Variants in TRIP12 observed in about 807,000 individuals in gnomAD.
TRIP12 encodes the protein E3 ubiquitin-protein ligase TRIP12.
Under a neutral mutation model 244.2 loss-of-function variants are expected in TRIP12, and 25 were observed. The observed-to-expected ratio is 0.10, with a 90% confidence interval of 0.07 to 0.14. TRIP12 has a LOEUF of 0.14. Among genes scored for constraint, TRIP12 ranks in the 10% least tolerant of loss-of-function variants. The pLI is 1.00. For synonymous variants in TRIP12, 905 were observed against 873.1 expected (o/e 1.04, Z -0.64); for missense variants, 1,677 against 2,486.4 (o/e 0.67, Z 6.92).
At chr2:229,830,913 C>G in intron 6 of TRIP12, 74 bp from the exon 7 acceptor site, 1 of 1,441,320 alleles carries the variant, frequency 6.9e-7, no homozygotes, top group South Asian at 1.2e-5. Context: ...CTTAGAAAAA[C>G]CAAAGTTTTG....
chr2:229,819,327 T>G (rs1168617198), intron 8 of TRIP12, among the ~76,000 whole-genome samples: 1 of 152,136 alleles, frequency 6.6e-6, no homozygotes, highest in Non-Finnish European at 1.5e-5. Flanking sequence ...AGTGGATCAC[T>G]TGAGGTCAGG....
intron 1 of TRIP12, among the ~76,000 whole-genome samples, chr2:229,898,107 T>A (rs527332115): frequency 9.2e-5 from 14 of 152,174 alleles, no homozygotes; most frequent in Middle Eastern, 3.4e-3. Flanking sequence ...AGACAATAGG[T>A]GATAGTTTCG....
chr2:229,802,604 G>A (rs2044673177), intron 20 of TRIP12, 145 bp from the exon 21 acceptor site: 1 of 521,492 alleles, frequency 1.9e-6, no homozygotes, highest in Non-Finnish European at 3.2e-6. Flanking sequence ...AAGAAATTAG[G>A]AGCCAGAGTT....
chr2:229,775,055 C>T (rs1410720836), intron 37 of TRIP12, among the ~76,000 whole-genome samples: 7 of 152,084 alleles, frequency 4.6e-5, no homozygotes, highest in Admixed American at 2.6e-4. Flanking sequence ...AATGGCTTTC[C>T]AAACTGGAAA....
chr2:229,812,887 C>T (rs773994704), intron 13 of TRIP12, among the ~76,000 whole-genome samples: 5 of 152,152 alleles, frequency 3.3e-5, no homozygotes, highest in Admixed American at 6.5e-5. Flanking sequence ...GTTAGCCACA[C>T]TTTGTAATGG....
At chr2:229,898,709 T>A (rs531469582) in intron 1 of TRIP12, among the ~76,000 whole-genome samples, 47 of 152,312 alleles carry the variant, frequency 3.1e-4, no homozygotes, top group African/African-American at 9.4e-4. Flanking sequence ...AATTTTTTTT[T>A]AAAGACAGGG....
rs2041858162 is a variant in TRIP12 at position 229,792,705 on chromosome 2, G to A, written c.4141+268C>T. 2.0e-5 allele frequency among the ~76,000 whole-genome samples: 3 copies of A among 152,016 alleles called. No homozygotes were observed. The South Asian group carries it at 6.2e-4, about 31-fold the overall frequency. ...TACACTCTGATCTATGAAGCAGAAA[G>A]GTCTAAGAAAATTGCCAAACACAAA... On this transcript the variant is annotated intron_variant, in intron 27 of 41. Transcript: ENST00000675903.
intron 1 of TRIP12, among the ~76,000 whole-genome samples, chr2:229,920,467 C>T (rs2076290048): frequency 6.6e-6 from 1 of 152,130 alleles, no homozygotes; most frequent in Non-Finnish European, 1.5e-5. Context: ...CCGTACCCGC[C>T]TCCCCCCGCA....
chr2:229,802,782 G>A (rs2044727864), intron 20 of TRIP12, among the ~76,000 whole-genome samples: 1 of 152,050 alleles, frequency 6.6e-6, no homozygotes, highest in African/African-American at 2.4e-5. Flanking sequence ...ATCAACTACA[G>A]AAATACAGTG....
chr2:229,777,236 C>A, intron 37 of TRIP12, 79 bp downstream of exon 37: 2 of 1,438,822 alleles, frequency 1.4e-6, no homozygotes, highest in South Asian at 2.6e-5. Context: ...ACAACTGAGT[C>A]AAATACAAAC....
rs541422010 is a variant in TRIP12, at chr2:229,771,869, T to G, written c.5695-237A>C. ...AAAAAAATGCCATGTGCATTTACAT[T>G]TAGTGTGTTTTAAAAATCTATTTAT... On this transcript the variant is annotated intron_variant, in intron 38 of 41. Coordinates refer to ENST00000675903, the MANE Select transcript of TRIP12 (RefSeq NM_001348323.3). Among the ~76,000 whole-genome samples, 7 of 152,272 alleles carry G rather than the reference T, an allele frequency of 4.6e-5. No individual in the cohort carries two copies. The South Asian group carries it at 1.5e-3, about 32-fold the overall frequency.
intron 4 of TRIP12, 135 bp downstream of exon 4, chr2:229,858,633 CTTAA>C: frequency 1.4e-6 from 1 of 733,902 alleles, no homozygotes; most frequent in Non-Finnish European, 2.2e-6. Context: ...CTGTTATGTA[CTTAA>C]TTACACAGAC....
intron 5 of TRIP12, among the ~76,000 whole-genome samples, chr2:229,839,431 A>G (rs952872520): frequency 1.3e-5 from 2 of 152,168 alleles, no homozygotes; most frequent in African/African-American, 4.8e-5. Flanking sequence ...TAATCCCAGC[A>G]CTTTGGGAGG....
At chr2:229,918,810 A>T (rs978385194) in intron 1 of TRIP12, among the ~76,000 whole-genome samples, 1 of 152,240 alleles carries the variant, frequency 6.6e-6, no homozygotes, top group African/African-American at 2.4e-5. Flanking sequence ...TGTATCTTTT[A>T]AAAATGACCT....
chr2:229,874,968 G>A (rs547744740), intron 2 of TRIP12, among the ~76,000 whole-genome samples: 29 of 152,220 alleles, frequency 1.9e-4, no homozygotes, highest in Non-Finnish European at 3.4e-4. Context: ...GCATTGCCAA[G>A]AGGGAGGTGG....
chr2:229,918,305 A>T (rs1489057203), intron 1 of TRIP12, among the ~76,000 whole-genome samples: 2 of 152,204 alleles, frequency 1.3e-5, no homozygotes, highest in Non-Finnish European at 2.9e-5. Flanking sequence ...AGTGAAGATT[A>T]AAAAACCAAG....
rs1342526948 is a variant in TRIP12 at position 229,845,739 on chromosome 2, C to T, written c.1028-4812G>A. Among the ~76,000 whole-genome samples, 9 of 152,034 alleles carry T rather than the reference C, an allele frequency of 5.9e-5. No individual in the cohort carries two copies. The South Asian group carries it at 6.2e-4, about 10-fold the overall frequency. On this transcript the variant is annotated intron_variant, in intron 4 of 41. Transcript: ENST00000675903. ...ACTATGATGATCTTTAAAACACAAA[C>T]GCCTGGCCAGGTGTAGTGGCTCACA...
intron 2 of TRIP12, among the ~76,000 whole-genome samples, chr2:229,863,920 A>C (rs1289298054): frequency 6.6e-6 from 1 of 152,104 alleles, no homozygotes; most frequent in African/African-American, 2.4e-5. Context: ...TTTGTAGAAC[A>C]GTATAGTAAA....
At chr2:229,846,634 C>T (rs1451421577) in intron 4 of TRIP12, among the ~76,000 whole-genome samples, 3 of 150,938 alleles carry the variant, frequency 2.0e-5, no homozygotes, top group African/African-American at 4.9e-5. Flanking sequence ...AAGGTATGCC[C>T]GTGTAACTAT....
Sources: gnomAD v4.1 joint callset for allele counts (sites outside exome capture counted in the v4.1 genomes callset) on GRCh38, gnomAD v4.1.1 for gene constraint, MANE v1.5 for transcripts, NCBI Gene and HGNC (gene_info 2026-07-23, HGNC 2026-07-21) for gene names.